The following FOXO3 variants were observed in gnomAD, a reference collection of about 807,000 sequenced individuals.
FOXO3 encodes forkhead box O3.
Under a neutral mutation model 41.9 loss-of-function variants are expected in FOXO3, and 4 were observed. The ratio of observed to expected loss-of-function variants is 0.10; its 90% CI spans 0.05 to 0.22. The LOEUF (loss-of-function observed/expected upper bound fraction) is 0.22, where lower values mean the gene tolerates loss of function less well. Among genes scored for constraint, FOXO3 ranks in the 10% least tolerant of loss-of-function variants. FOXO3 has a pLI of 1.00. For missense variants in FOXO3, 534 were observed against 906.8 expected (o/e 0.59, Z 5.28); for synonymous variants, 318 against 389.3 (o/e 0.82, Z 2.16).
chr6:108,580,057 T>G (rs1457901080), intron 1 of FOXO3, among the ~76,000 whole-genome samples: 3 of 152,174 alleles, frequency 2.0e-5, no homozygotes, highest in African/African-American at 7.2e-5. Flanking sequence ...ATGGGTGTGA[T>G]GTATACAGTC....
At chr6:108,674,332 A>G (rs1402919473) in intron 2 of FOXO3, among the ~76,000 whole-genome samples, 2 of 152,220 alleles carry the variant, frequency 1.3e-5, no homozygotes, top group Non-Finnish European at 2.9e-5. Flanking sequence ...TTTATAGTGC[A>G]TCCATTTAGT....
intron 1 of FOXO3, among the ~76,000 whole-genome samples, chr6:108,615,082 G>A (rs1219462865): frequency 6.6e-6 from 1 of 151,956 alleles, no homozygotes; most frequent in Non-Finnish European, 1.5e-5. Context: ...TCTTCTACAT[G>A]TATGTTATAA....
At chr6:108,601,772 T>C (rs548986582) in intron 1 of FOXO3, among the ~76,000 whole-genome samples, 75 of 152,364 alleles carry the variant, frequency 4.9e-4, no homozygotes, top group African/African-American at 1.8e-3. Context: ...ATTGACTTTT[T>C]CCATTAAGCC....
At chr6:108,675,953 A>C (rs190429900) in intron 2 of FOXO3, among the ~76,000 whole-genome samples, 24 of 152,300 alleles carry the variant, frequency 1.6e-4, no homozygotes, top group African/African-American at 4.8e-4. Flanking sequence ...TGTTTTGTGT[A>C]GTTTTTGGAG....
At chr6:108,565,762 C>T (rs1775932692) in intron 1 of FOXO3, among the ~76,000 whole-genome samples, 1 of 152,206 alleles carries the variant, frequency 6.6e-6, no homozygotes, top group Admixed American at 6.5e-5. Flanking sequence ...TCACATAATG[C>T]TTATTTGTGT....
At chr6:108,613,061 TTGAC>T (rs1777407489) in intron 1 of FOXO3, among the ~76,000 whole-genome samples, 1 of 152,146 alleles carries the variant, frequency 6.6e-6, no homozygotes, top group African/African-American at 2.4e-5. Context: ...ATGAAATACA[TTGAC>T]TGATTTGCAA....
At chr6:108,626,140 T>G (rs556552189) in intron 1 of FOXO3, among the ~76,000 whole-genome samples, 1 of 152,358 alleles carries the variant, frequency 6.6e-6, no homozygotes, top group East Asian at 1.9e-4. Flanking sequence ...CAGTATACAC[T>G]TTTTAAACAG....
chr6:108,678,890 T>TTTTTTTCTC (rs368405598), intron 2 of FOXO3, among the ~76,000 whole-genome samples: 1 of 115,334 alleles, frequency 8.7e-6, no homozygotes, highest in African/African-American at 2.9e-5. Context: ...TTTTTTTTTT[T>TTTTTTTCTC]TGAGACGGAG....
intron 1 of FOXO3, among the ~76,000 whole-genome samples, chr6:108,592,380 G>T (rs1014532135): frequency 3.3e-5 from 5 of 152,046 alleles, no homozygotes; most frequent in East Asian, 1.9e-4. Context: ...GTCCATTTAC[G>T]CCAGTTTTTA....
chr6:108,560,463 A>G (rs1775739442), upstream of FOXO3, among the ~76,000 whole-genome samples: 1 of 152,110 alleles, frequency 6.6e-6, no homozygotes, highest in South Asian at 2.1e-4. Flanking sequence ...GGAAGTGACA[A>G]GGGCCCATCT....
intron 1 of FOXO3, among the ~76,000 whole-genome samples, chr6:108,622,835 T>C (rs548143838): frequency 1.3e-5 from 2 of 151,930 alleles, no homozygotes; most frequent in South Asian, 4.2e-4. Flanking sequence ...GCATGATGTC[T>C]GCAAGAGAGC....
intron 1 of FOXO3, among the ~76,000 whole-genome samples, chr6:108,650,362 T>C (rs1307965074): frequency 6.6e-6 from 1 of 152,178 alleles, no homozygotes; most frequent in Non-Finnish European, 1.5e-5. Flanking sequence ...AAAAGAACTG[T>C]TTCCTACGTT....
At chr6:108,566,792 C>G (rs1775957507) in intron 1 of FOXO3, among the ~76,000 whole-genome samples, 2 of 152,162 alleles carry the variant, frequency 1.3e-5, no homozygotes, top group Non-Finnish European at 2.9e-5. Flanking sequence ...TCCTGAAGAG[C>G]CACTTTACCT....
intron 2 of FOXO3, among the ~76,000 whole-genome samples, chr6:108,676,576 C>G (rs1193504660): frequency 6.6e-6 from 1 of 152,096 alleles, no homozygotes; most frequent in Non-Finnish European, 1.5e-5. Context: ...AGAAGAGCAT[C>G]GACACATACA....
chr6:108,606,313 T>G (rs928410345), intron 1 of FOXO3, among the ~76,000 whole-genome samples: 2 of 152,170 alleles, frequency 1.3e-5, no homozygotes, highest in African/African-American at 4.8e-5. Context: ...ATCAGCCCCT[T>G]TGTTCACCCC....
intron 1 of FOXO3, among the ~76,000 whole-genome samples, chr6:108,627,464 TAAAAG>T (rs1057046382): frequency 2.0e-5 from 3 of 151,576 alleles, no homozygotes; most frequent in Non-Finnish European, 2.9e-5. Flanking sequence ...AAGGATAAAA[TAAAAG>T]AAACAAAAGC....
rs189869977 is a variant in FOXO3 at position 108,582,034 on chromosome 6, A to G, written c.621+20205A>G. ...AAATATAGGCTGCATACTCTCCAAG[A>G]AAAAAAGCCCTACAAACAATGTCAG... On this transcript the variant is annotated intron_variant, in intron 1 of 2. Transcript: ENST00000406360. Among the ~76,000 whole-genome samples, 9 of 152,306 alleles carry G rather than the reference A, an allele frequency of 5.9e-5. No individual in the cohort carries two copies. The East Asian group carries it at 1.7e-3, about 29-fold the overall frequency.
rs116176567 is a variant in FOXO3 at position 108,663,392 on chromosome 6, C to G, written c.622-63C>G. On this transcript the variant is annotated intron_variant, in intron 1 of 2. Coordinates refer to ENST00000406360, the MANE Select transcript of FOXO3 (RefSeq NM_001455.4). The stretch of plus-strand genomic sequence containing the variant: ...GAATGAGGAGTCTGATTTACTATAT[C>G]ATCTGGGTGCTCGGTTTTGGACCAT... 2,551 of 1,523,066 alleles carry G rather than the reference C, an allele frequency of 1.7e-3. 39 individuals carry two copies. In the African/African-American group the frequency reaches 0.032, roughly 19 times the overall value. 94.3% of individuals were successfully genotyped at this position (1,523,066 alleles called of 1,614,324 possible). A position where few individuals can be genotyped will look rare whatever the true frequency, so the allele number is the denominator to read the frequency against.
chr6:108,667,570 A>G (rs1165027331), intron 2 of FOXO3, among the ~76,000 whole-genome samples: 1 of 152,208 alleles, frequency 6.6e-6, no homozygotes, highest in African/African-American at 2.4e-5. Context: ...TCTTTCTCGT[A>G]TATGTGTAAT....
Sources: gnomAD v4.1 joint callset for allele counts (sites outside exome capture counted in the v4.1 genomes callset) on GRCh38, gnomAD v4.1.1 for gene constraint, MANE v1.5 for transcripts, NCBI Gene and HGNC (gene_info 2026-07-23, HGNC 2026-07-21) for gene names.